The following TSGA10 variants were observed in gnomAD, a reference collection of about 807,000 sequenced individuals.
TSGA10 encodes testis-specific gene 10 protein.
A neutral mutation model predicts 96.6 loss-of-function variants in TSGA10; 43 were observed. The ratio of observed to expected loss-of-function variants is 0.44; its 90% CI spans 0.35 to 0.57. The LOEUF (loss-of-function observed/expected upper bound fraction) is 0.57. Ranked by LOEUF, TSGA10 falls within the 20% of genes least tolerant of loss-of-function variation. The pLI is 0.01. For missense variants in TSGA10, 703 were observed against 834.4 expected (o/e 0.84, Z 1.94); for synonymous variants, 229 against 269.9 (o/e 0.85, Z 1.48).
intron 10 of TSGA10, among the ~76,000 whole-genome samples, chr2:99,100,769 G>A (rs1469490952): frequency 2.9e-5 from 4 of 138,380 alleles, no homozygotes; most frequent in Admixed American, 7.9e-5. Flanking sequence ...GCAGTGAGCC[G>A]AGATTGTGCC....
chr2:99,087,972 A>C (rs1006731343), intron 10 of TSGA10, among the ~76,000 whole-genome samples: 1 of 152,232 alleles, frequency 6.6e-6, no homozygotes. Context: ...CTTTACATCC[A>C]GTAAAATGGC....
At chr2:99,065,962 A>T (rs573735601) in intron 15 of TSGA10, among the ~76,000 whole-genome samples, 21 of 152,242 alleles carry the variant, frequency 1.4e-4, no homozygotes, top group Non-Finnish European at 2.8e-4. Context: ...TATTTAAAAA[A>T]ATATTTTATT....
chr2:99,071,393 A>C (rs2085945144), intron 14 of TSGA10, among the ~76,000 whole-genome samples: 1 of 151,722 alleles, frequency 6.6e-6, no homozygotes, highest in South Asian at 2.1e-4. Context: ...TAAAAAAAAA[A>C]CACCTATTCT....
chr2:99,148,308 T>G (rs2093652758), intron 1 of TSGA10: 1 of 152,232 alleles, frequency 6.6e-6, no homozygotes. Flanking sequence ...TATTAGATAT[T>G]CCTTTGATGA....
intron 16 of TSGA10, among the ~76,000 whole-genome samples, chr2:99,035,808 T>C (rs1345595560): frequency 6.6e-6 from 1 of 152,146 alleles, no homozygotes; most frequent in African/African-American, 2.4e-5. Flanking sequence ...AATGCTATTG[T>C]TGTTGTTAAA....
intron 1 of TSGA10, chr2:99,147,430 C>G (rs2093643508): frequency 6.2e-7 from 1 of 1,609,876 alleles, no homozygotes; most frequent in Admixed American, 1.7e-5. Context: ...ACCTAAATGC[C>G]AGTCCAAAGA....
intron 16 of TSGA10, among the ~76,000 whole-genome samples, chr2:99,051,126 A>T (rs1035362372): frequency 6.6e-6 from 1 of 152,160 alleles, no homozygotes; most frequent in South Asian, 2.1e-4. Context: ...ATATATTTTC[A>T]TCATTAAGAG....
intron 12 of TSGA10, among the ~76,000 whole-genome samples, chr2:99,077,766 G>T (rs551417845): frequency 6.6e-6 from 1 of 151,888 alleles, no homozygotes; most frequent in East Asian, 2.0e-4. Context: ...GTTTCACTAT[G>T]TTGGCCAGGT....
At chr2:99,002,442 T>C (rs897465946) in intron 20 of TSGA10, among the ~76,000 whole-genome samples, 2 of 152,232 alleles carry the variant, frequency 1.3e-5, no homozygotes, top group Non-Finnish European at 2.9e-5. Context: ...TGCTGAGAGA[T>C]GTTGTCACCA....
chr2:99,103,838 C>A, intron 10 of TSGA10, 129 bp downstream of exon 10: 1 of 1,138,442 alleles, frequency 8.8e-7, no homozygotes, highest in Non-Finnish European at 1.2e-6. Flanking sequence ...CCAAGGGTTC[C>A]TACAACTGCT....
intron 10 of TSGA10, among the ~76,000 whole-genome samples, chr2:99,087,203 C>CA (rs1157185525): frequency 9.1e-4 from 130 of 142,586 alleles, no homozygotes; most frequent in South Asian, 7.3e-3. Flanking sequence ...CACTCCGTCT[C>CA]AAAAAAAAAA....
At chr2:99,024,392 T>G (rs2080352118) in intron 17 of TSGA10, among the ~76,000 whole-genome samples, 1 of 152,102 alleles carries the variant, frequency 6.6e-6, no homozygotes, top group Non-Finnish European at 1.5e-5. Flanking sequence ...CTGGCCGTAT[T>G]TGTCCTTTTT....
At chr2:99,040,135 C>T (rs774018471) in intron 16 of TSGA10, among the ~76,000 whole-genome samples, 1 of 152,066 alleles carries the variant, frequency 6.6e-6, no homozygotes, top group Non-Finnish European at 1.5e-5. Flanking sequence ...GTAATAAAAG[C>T]CATCTATGAC....
chr2:99,034,896 A>ATAAAT (rs1231274335), intron 17 of TSGA10, among the ~76,000 whole-genome samples: 1 of 152,246 alleles, frequency 6.6e-6, no homozygotes, highest in Non-Finnish European at 1.5e-5. Flanking sequence ...CAATTAGTAA[A>ATAAAT]TAAATTTAGC....
chr2:99,101,907 G>T (rs1262522904), intron 10 of TSGA10: 1 of 608,424 alleles, frequency 1.6e-6, no homozygotes, highest in Non-Finnish European at 3.0e-6. Flanking sequence ...AGGGAGTGCT[G>T]TTCAAAGGAT....
At chr2:99,023,382 T>C (rs1208627426) in intron 17 of TSGA10, among the ~76,000 whole-genome samples, 1 of 152,082 alleles carries the variant, frequency 6.6e-6, no homozygotes, top group Admixed American at 6.6e-5. Context: ...TTCTTGATGA[T>C]ATCATTTGCA....
At position 99,117,590 on chromosome 2, in the gene TSGA10, T is replaced by C. The variant is rs559923294; in HGVS notation, c.-186A>G. The C allele has an allele frequency of 1.3e-4, 128 of 985,888 alleles. No homozygotes were observed. In the Middle Eastern group the frequency reaches 2.1e-3, roughly 16 times the overall value. 61.1% of individuals were successfully genotyped at this position (985,888 alleles called of 1,614,324 possible). A position where few individuals can be genotyped will look rare whatever the true frequency, so the allele number is the denominator to read the frequency against. The stretch of plus-strand genomic sequence containing the variant: ...GTTGGCGGAATCCACCACAAAATTT[T>C]TCTCTTTTTCGAGTTGCTCTGCTAG... On this transcript the variant is annotated 5_prime_UTR_variant, in exon 4 of 21. Transcript: ENST00000393483.
At chr2:99,077,127 C>CTTTTTTT (rs35876721) in intron 12 of TSGA10, among the ~76,000 whole-genome samples, 20 of 70,460 alleles carry the variant, frequency 2.8e-4, no homozygotes, top group Non-Finnish European at 4.1e-4. Context: ...GACCATTCAC[C>CTTTTTTT]TTTTTTTTTT....
intron 4 of TSGA10, among the ~76,000 whole-genome samples, chr2:99,111,954 A>C (rs932526638): frequency 1.3e-5 from 2 of 152,158 alleles, no homozygotes; most frequent in African/African-American, 4.8e-5. Flanking sequence ...ACATAACCAA[A>C]TAAACTGAAG....
Sources: gnomAD v4.1 joint callset for allele counts (sites outside exome capture counted in the v4.1 genomes callset) on GRCh38, gnomAD v4.1.1 for gene constraint, MANE v1.5 for transcripts, NCBI Gene and HGNC (gene_info 2026-07-23, HGNC 2026-07-21) for gene names.